The following POLN variants were observed in gnomAD, a reference collection of about 807,000 sequenced individuals.
The protein encoded by POLN is DNA polymerase nu, also known as DNA polymerase N.
Under a neutral mutation model 113.5 loss-of-function variants are expected in POLN, and 108 were observed. The ratio of observed to expected loss-of-function variants is 0.95; its 90% CI spans 0.81 to 1.12. POLN has a LOEUF of 1.12. Among genes scored for constraint, POLN ranks in the 50% most tolerant of loss-of-function variants. POLN has a pLI of 0.00. For missense variants in POLN, 1,097 were observed against 1,077.1 expected, an observed-to-expected ratio of 1.02 and a Z score of -0.26; for synonymous variants, 386 against 391.5, an observed-to-expected ratio of 0.99 and a Z score of 0.17.
chr4:2,101,744 G>T (rs1322248362), intron 19 of POLN, among the ~76,000 whole-genome samples: 1 of 152,262 alleles, frequency 6.6e-6, no homozygotes, highest in Non-Finnish European at 1.5e-5. Context: ...TGGAACAAGG[G>T]TGTGAGCAGA....
chr4:2,178,983 TGTGGCCAC>T (rs1733065741), intron 8 of POLN, among the ~76,000 whole-genome samples: 1 of 152,178 alleles, frequency 6.6e-6, no homozygotes. Flanking sequence ...CCTCTGGCAC[TGTGGCCAC>T]GTCACCAGCC....
intron 12 of POLN, 151 bp downstream of exon 12, chr4:2,170,947 A>C: frequency 1.2e-6 from 1 of 856,016 alleles, no homozygotes; most frequent in Non-Finnish European, 1.8e-6. Flanking sequence ...TGAAGTAATG[A>C]ATCTCAATGT....
chr4:2,120,549 A>T lies in POLN; in HGVS notation c.1982+7564T>A, dbSNP rs181757649. Among the ~76,000 whole-genome samples, 704 of 151,668 alleles carry T rather than the reference A, an allele frequency of 4.6e-3. 2 individuals carry two copies. The highest frequency in any genetic ancestry group is 0.016 in the African/African-American group (644 of 41,296). On this transcript the variant is annotated intron_variant, in intron 19 of 25. Coordinates refer to ENST00000511885, the MANE Select transcript of POLN (RefSeq NM_181808.4). ...CGCTCTGTCACCCAGGCTGGAGTGT[A>T]GTGGCGCGATCTCAGATCACTGCAA...
chr4:2,101,123 C>G (rs1335011572), intron 19 of POLN, among the ~76,000 whole-genome samples: 1 of 151,356 alleles, frequency 6.6e-6, no homozygotes, highest in Non-Finnish European at 1.5e-5. Context: ...AAAATGGGGT[C>G]CAGATTGAGT....
At chr4:2,072,430 C>G (rs1023143778) in intron 25 of POLN, 131 bp from the exon 26 acceptor site, 1 of 769,468 alleles carries the variant, frequency 1.3e-6, no homozygotes, top group Non-Finnish European at 2.0e-6. Context: ...CAGACAGCCA[C>G]ACGCACACAT....
chr4:2,240,776 T>A (rs773112353), intron 2 of POLN: 1 of 1,613,848 alleles, frequency 6.2e-7, no homozygotes, highest in South Asian at 1.1e-5. Context: ...AAGCTTCCAA[T>A]TCTCTTTCAG....
chr4:2,237,945 A>T (rs1734824535), intron 2 of POLN, among the ~76,000 whole-genome samples: 2 of 152,162 alleles, frequency 1.3e-5, no homozygotes, highest in South Asian at 4.1e-4. Context: ...ATAGATCATA[A>T]TGTCAGTGGT....
chr4:2,131,389 C>A (rs930147492), intron 16 of POLN, 99 bp from the exon 17 acceptor site: 3 of 784,210 alleles, frequency 3.8e-6, no homozygotes, highest in East Asian at 2.7e-5. Flanking sequence ...AACATTAAAA[C>A]AAGTAAGCCA....
intron 16 of POLN, among the ~76,000 whole-genome samples, chr4:2,137,394 AC>A (rs1210024417): frequency 6.6e-6 from 1 of 152,232 alleles, no homozygotes; most frequent in Non-Finnish European, 1.5e-5. Flanking sequence ...GAAAACCACA[AC>A]AAAAACACAG....
In POLN at chr4:2,157,898, T is replaced by C. The variant is rs149881024; in HGVS notation, c.1625A>G (p.Lys542Arg). Residue 542 changes from lysine to arginine, a missense_variant, in exon 15 of 26, where the codon AAG (lysine) becomes AGG (arginine). Lys to Arg is a conservative substitution (Grantham distance 26). Transcript: ENST00000511885. ...ILEYRQVHKIKSTFVDGLLAC... is the reference protein window; with the variant it reads ...ILEYRQVHKIRSTFVDGLLAC... ...TAGTAATCCATCTACAAAGGTTGAC[T>C]TGATCTTGTGAACCTAAGGTGGAAA... The C allele has an allele frequency of 1.2e-5, 19 of 1,607,156 alleles. No homozygotes were observed. In the African/African-American group the frequency reaches 2.3e-4, roughly 19 times the overall value.
intron 24 of POLN, among the ~76,000 whole-genome samples, chr4:2,073,695 A>C (rs1327433922): frequency 6.6e-6 from 1 of 152,202 alleles, no homozygotes; most frequent in Non-Finnish European, 1.5e-5. Flanking sequence ...CCCTGGATAA[A>C]CATTCGTTCA....
At position 2,113,591 on chromosome 4, in the gene POLN, C is replaced by T. The variant is rs779615550; in HGVS notation, c.1982+14522G>A. ...AAAAAAAAATGGCTGGGCATGGTGG[C>T]TCATGCCTGTAATCCCAGCACTTTG... On this transcript the variant is annotated intron_variant, in intron 19 of 25. Transcript: ENST00000511885. Among the ~76,000 whole-genome samples the T allele has an allele frequency of 3.3e-3, 505 of 151,182 alleles. 1 individual carries two copies. Among genetic ancestry groups the T allele is most frequent in the Non-Finnish European group, 6.4e-3 (432 of 67,844 alleles).
intron 10 of POLN, among the ~76,000 whole-genome samples, 182 bp downstream of exon 10, chr4:2,174,508 AC>A (rs1259603321): frequency 6.6e-6 from 1 of 152,178 alleles, no homozygotes; most frequent in Non-Finnish European, 1.5e-5. Context: ...GAGTCTTTCC[AC>A]ACCAAGAGGG....
intron 19 of POLN, among the ~76,000 whole-genome samples, chr4:2,106,151 GA>G (rs201247686): frequency 2.7e-5 from 4 of 149,616 alleles, no homozygotes; most frequent in East Asian, 3.9e-4. Flanking sequence ...TCTTCATAAT[GA>G]AAAAAAAATG....
chr4:2,188,027 G>A (rs1333790758), intron 7 of POLN, among the ~76,000 whole-genome samples: 3 of 152,088 alleles, frequency 2.0e-5, no homozygotes, highest in East Asian at 1.9e-4. Context: ...GATGCAGGAG[G>A]ATCACTTCAG....
At position 2,225,665 on chromosome 4, in the gene POLN, C is replaced by T. The variant is rs758825389; in HGVS notation, c.133+3434G>A. Among the ~76,000 whole-genome samples the T allele has an allele frequency of 6.4e-4, 96 of 149,774 alleles. 1 individual carries two copies. Among genetic ancestry groups the T allele is most frequent in the African/African-American group, 2.2e-4 (9 of 40,496 alleles). ...CTTTTCCTAATGTATTACAAAAAGA[C>T]GCCCCAAAAATGTTGTGGAAAAAAT... is the stretch of plus-strand genomic sequence containing the variant. On this transcript the variant is annotated intron_variant, in intron 3 of 25. Coordinates refer to ENST00000511885, the MANE Select transcript of POLN (RefSeq NM_181808.4).
Position 2,081,748 on chromosome 4 carries a change from G to A in POLN, c.2198-5C>T, listed in dbSNP as rs771393559. ...CCATGATGGACACCACACAGCCTGA[G>A]TCACACAGAGCAAAAGTAGATGAGG... On this transcript the variant is annotated splice_region_variant and splice_polypyrimidine_tract_variant and intron_variant, in intron 21 of 25. Coordinates refer to ENST00000511885, the MANE Select transcript of POLN (RefSeq NM_181808.4). 6.2e-7 allele frequency: 1 copy of A among 1,613,094 alleles called. No homozygotes were observed. Among genetic ancestry groups the A allele is most frequent in the Non-Finnish European group, 8.5e-7 (1 of 1,179,154 alleles).
chr4:2,077,199 A>G (rs1730297275), intron 23 of POLN: 1 of 152,334 alleles, frequency 6.6e-6, no homozygotes, highest in Admixed American at 6.5e-5. Flanking sequence ...TCACAGCACC[A>G]GGAGGGAATG....
chr4:2,072,720 C>T (rs966139287), intron 25 of POLN, among the ~76,000 whole-genome samples: 1 of 152,202 alleles, frequency 6.6e-6, no homozygotes, highest in African/African-American at 2.4e-5. Flanking sequence ...GTGGACCAAG[C>T]CTTCACAGCT....
Sources: gnomAD v4.1 joint callset for allele counts (sites outside exome capture counted in the v4.1 genomes callset) on GRCh38, gnomAD v4.1.1 for gene constraint, MANE v1.5 for transcripts, NCBI Gene and HGNC (gene_info 2026-07-23, HGNC 2026-07-21) for gene names.